COPS8: variants seen among roughly 807,000 people sequenced by gnomAD.
The protein encoded by COPS8 is COP9 signalosome complex subunit 8.
A neutral mutation model predicts 31.5 loss-of-function variants in COPS8; 11 were observed. The ratio of observed to expected loss-of-function variants is 0.35; its 90% CI spans 0.22 to 0.58. The LOEUF (loss-of-function observed/expected upper bound fraction) is 0.58. Ranked by LOEUF, COPS8 falls within the 20% of genes least tolerant of loss-of-function variation. COPS8 has a pLI of 0.83. For missense variants in COPS8, 215 were observed against 255.1 expected (o/e 0.84, Z 1.07); for synonymous variants, 81 against 89.3 (o/e 0.91, Z 0.52).
intron 2 of COPS8, 122 bp downstream of exon 2, chr2:237,087,319 T>C (rs530206697): frequency 5.0e-5 from 31 of 623,728 alleles, no homozygotes; most frequent in African/African-American, 5.0e-4. Flanking sequence ...ATTACAGTAA[T>C]TGTTAACGTC....
intron 4 of COPS8, among the ~76,000 whole-genome samples, chr2:237,093,511 G>T (rs1335145350): frequency 6.6e-6 from 1 of 152,146 alleles, no homozygotes; most frequent in Non-Finnish European, 1.5e-5. Context: ...CCACTTTCAG[G>T]AAAGTTTTCG....
chr2:237,095,869 C>G lies in COPS8; in HGVS notation c.487C>G (p.Leu163Val). The G allele has an allele frequency of 6.2e-7, 1 of 1,612,896 alleles. No homozygotes were observed. Among genetic ancestry groups the G allele is most frequent in the Non-Finnish European group, 8.5e-7 (1 of 1,178,950 alleles). ...AGCTGATTCCACCACAAGAATGGTTCTGCCCAGAAAGCCAGGTAGGTGGAG... is the reference window on the plus strand; with the variant it reads ...AGCTGATTCCACCACAAGAATGGTTGTGCCCAGAAAGCCAGGTAGGTGGAG... ...WQADSTTRMV[L>V]PRKPVAGALD... Residue 163 changes from leucine (L) to valine (V), a missense_variant, in exon 6 of 8, where the codon CTG becomes GTG. By Grantham distance (32) the Leu-to-Val change is conservative. Coordinates refer to ENST00000354371, the MANE Select transcript of COPS8 (RefSeq NM_006710.5).
chr2:237,087,303 T>C, intron 2 of COPS8, 106 bp downstream of exon 2: 1 of 697,402 alleles, frequency 1.4e-6, no homozygotes, highest in Non-Finnish European at 2.5e-6. Context: ...ACGAGCTACC[T>C]TTTTTATTAC....
intron 4 of COPS8, among the ~76,000 whole-genome samples, chr2:237,093,401 AT>A (rs1696741347): frequency 6.6e-6 from 1 of 152,230 alleles, no homozygotes; most frequent in Non-Finnish European, 1.5e-5. Flanking sequence ...CCAATGAGCA[AT>A]GCCCAGGGAG....
At position 237,097,763 on chromosome 2, in the gene COPS8, A is replaced by G; in HGVS notation, c.*21A>G. ...ACTGATTTATCACTCTGAGTTCAAG[A>G]TTCATCTTCAGAATCCTGTATACTG... On this transcript the variant is annotated 3_prime_UTR_variant, in exon 8 of 8. Coordinates refer to ENST00000354371, the MANE Select transcript of COPS8 (RefSeq NM_006710.5). 6.4e-7 allele frequency: 1 copy of G among 1,562,484 alleles called. No homozygotes were observed. Among genetic ancestry groups the G allele is most frequent in the Non-Finnish European group, 8.8e-7 (1 of 1,135,244 alleles).
At chr2:237,097,600 T>A in intron 7 of COPS8, 63 bp from the exon 8 acceptor site, 1 of 1,211,826 alleles carries the variant, frequency 8.3e-7, no homozygotes, top group South Asian at 1.3e-5. Context: ...AGGTAGGTGT[T>A]GGGGCCAAAG....
At chr2:237,092,006 G>A (rs1055768916) in intron 4 of COPS8, among the ~76,000 whole-genome samples, 1 of 152,220 alleles carries the variant, frequency 6.6e-6, no homozygotes, top group Non-Finnish European at 1.5e-5. Flanking sequence ...AAGAGGATTC[G>A]AAAGGATGGG....
At chr2:237,091,919 G>A (rs911506581) in intron 4 of COPS8, among the ~76,000 whole-genome samples, 2 of 152,162 alleles carry the variant, frequency 1.3e-5, no homozygotes, top group Admixed American at 1.3e-4. Flanking sequence ...GCCCCAATTC[G>A]CCAAAGCAAG....
chr2:237,086,347 G>A (rs1014036660), intron 1 of COPS8, among the ~76,000 whole-genome samples: 1 of 152,110 alleles, frequency 6.6e-6, no homozygotes, highest in Admixed American at 6.5e-5. Context: ...CCAGTATCGG[G>A]TTGGGAGAGG....
chr2:237,091,141 AC>A (rs1047518283), intron 4 of COPS8, among the ~76,000 whole-genome samples: 34 of 152,182 alleles, frequency 2.2e-4, no homozygotes, highest in African/African-American at 7.0e-4. Flanking sequence ...TCTCTTGTGC[AC>A]CGTCGGGTCC....
intron 4 of COPS8, among the ~76,000 whole-genome samples, 179 bp downstream of exon 4, chr2:237,090,173 A>G (rs996704484): frequency 2.6e-5 from 4 of 152,136 alleles, no homozygotes; most frequent in African/African-American, 9.7e-5. Flanking sequence ...TTGTTGCTTG[A>G]GATTACATTG....
At chr2:237,088,791 T>C (rs1435416426) in intron 3 of COPS8, 138 bp downstream of exon 3, 2 of 522,908 alleles carry the variant, frequency 3.8e-6, no homozygotes, top group Non-Finnish European at 6.6e-6. Context: ...GAAATAAATC[T>C]TCAGAGTCCT....
chr2:237,095,691 T>A, intron 5 of COPS8, 131 bp from the exon 6 acceptor site: 1 of 620,070 alleles, frequency 1.6e-6, no homozygotes, highest in East Asian at 2.8e-5. Flanking sequence ...TATACCTTTC[T>A]AGTAAAAATG....
chr2:237,097,950 T>G lies in COPS8; in HGVS notation c.*208T>G, dbSNP rs911415913. 4.0e-5 allele frequency: 18 copies of G among 445,692 alleles called. 1 individual carries two copies. In the Admixed American group the frequency reaches 6.8e-4, roughly 17 times the overall value. The allele number at this position is 445,692 out of a possible 1,614,324, so 27.6% of individuals were successfully genotyped here. A position where few individuals can be genotyped will look rare whatever the true frequency, so the allele number is the denominator to read the frequency against. On this transcript the variant is annotated 3_prime_UTR_variant, in exon 8 of 8. Transcript: ENST00000354371. ...ATAGTTGTTGAAACAGTTCTCATTT[T>G]GTAGTATTTAATAATCTGGATGGAG...
Position 237,086,055 on chromosome 2 carries a change from G to T in COPS8, c.78+13G>T, listed in dbSNP as rs763981541. 5.0e-6 allele frequency: 8 copies of T among 1,610,590 alleles called. No individual in the cohort carries two copies. The Middle Eastern group carries it at 5.0e-4, about 100-fold the overall frequency. ...CCAGGAGCTCGAGGTAACCCTTTGCGTCGCGCTGGGAGAAACTGCGGAGTA... is the reference window on the plus strand; with the variant it reads ...CCAGGAGCTCGAGGTAACCCTTTGCTTCGCGCTGGGAGAAACTGCGGAGTA... On this transcript the variant is annotated intron_variant, in intron 1 of 7. Coordinates refer to ENST00000354371, the MANE Select transcript of COPS8 (RefSeq NM_006710.5).
chr2:237,095,835 A>G lies in COPS8; in HGVS notation c.453A>G (p.Gln151=). ...VEEAVKGILE[Q]GWQADSTTRM... is the part of the protein sequence containing the mutation. ...ATACTTTTTTAGGCATATTAGAACAAGGATGGCAAGCTGATTCCACCACAA... is the reference window on the plus strand; with the variant it reads ...ATACTTTTTTAGGCATATTAGAACAGGGATGGCAAGCTGATTCCACCACAA... Residue 151 remains glutamine (Q), a synonymous_variant, in exon 6 of 8, where the codon CAA becomes CAG. Coordinates refer to ENST00000354371, the MANE Select transcript of COPS8 (RefSeq NM_006710.5). The G allele has an allele frequency of 5.0e-6, 8 of 1,612,388 alleles. No individual in the cohort carries two copies. The highest frequency in any genetic ancestry group is 6.8e-6 in the Non-Finnish European group (8 of 1,178,432).
Position 237,098,488 on chromosome 2 carries a change from T to G in COPS8, c.*746T>G, listed in dbSNP as rs1222126126. On this transcript the variant is annotated 3_prime_UTR_variant, in exon 8 of 8. Coordinates refer to ENST00000354371, the MANE Select transcript of COPS8 (RefSeq NM_006710.5). ...AGCTATGAAGATACATGATACACTT[T>G]GTACAACTATCCTGCAGCCCATTGG... is the stretch of plus-strand genomic sequence containing the variant. 3 of 152,266 alleles carry G rather than the reference T, an allele frequency of 2.0e-5. No individual in the cohort carries two copies. Among genetic ancestry groups the G allele is most frequent in the Non-Finnish European group, 4.4e-5 (3 of 68,058 alleles). 9.4% of individuals were successfully genotyped at this position (152,266 alleles called of 1,614,324 possible). A position where few individuals can be genotyped will look rare whatever the true frequency, so the allele number is the denominator to read the frequency against.
chr2:237,093,849 A>G (rs1281796147), intron 4 of COPS8: 15 of 1,145,648 alleles, frequency 1.3e-5, no homozygotes, highest in Non-Finnish European at 1.6e-5. Context: ...CATCTTTGTA[A>G]TTTTCATTAT....
chr2:237,093,927 T>C (rs1696749576), intron 4 of COPS8, 163 bp from the exon 5 acceptor site: 1 of 1,337,954 alleles, frequency 7.5e-7, no homozygotes, highest in Non-Finnish European at 9.6e-7. Context: ...GAACCCCCCG[T>C]ACATACTGGG....
Sources: gnomAD v4.1 joint callset for allele counts (sites outside exome capture counted in the v4.1 genomes callset) on GRCh38, gnomAD v4.1.1 for gene constraint, MANE v1.5 for transcripts, NCBI Gene and HGNC (gene_info 2026-07-23, HGNC 2026-07-21) for gene names.